MYO7B: variants seen among roughly 807,000 people sequenced by gnomAD.
The protein encoded by MYO7B is unconventional myosin-VIIb.
A neutral mutation model predicts 259.7 loss-of-function variants in MYO7B; 212 were observed. The observed-to-expected ratio is 0.82, with a 90% CI of 0.73 to 0.91. The LOEUF is 0.91. Ranked by LOEUF, MYO7B falls within the 40% of genes least tolerant of loss-of-function variation. MYO7B has a pLI of 0.00. For missense variants in MYO7B, 2,732 were observed against 2,813.5 expected (o/e 0.97, Z 0.66); for synonymous variants, 1,197 against 1,166.4 (o/e 1.03, Z -0.54).
In MYO7B at chr2:127,637,439, C is replaced by T. The variant is rs1473248278; in HGVS notation, c.*22C>T. 1 of 1,473,098 alleles carries T rather than the reference C, an allele frequency of 6.8e-7. No homozygotes were observed. Among genetic ancestry groups the T allele is most frequent in the Admixed American group, 2.5e-5 (1 of 40,726 alleles). The allele number at this position is 1,473,098 out of a possible 1,614,324, so 91.3% of individuals were successfully genotyped here. Reference sequence around the variant, plus strand: ...CTAGCAGCGGATGCTGGCGTGTCTGCTCAGGCGCCCTTCCCGACCTCTAGC... The same window carrying T: ...CTAGCAGCGGATGCTGGCGTGTCTGTTCAGGCGCCCTTCCCGACCTCTAGC... On this transcript the variant is annotated 3_prime_UTR_variant, in exon 48 of 48. Coordinates refer to ENST00000409816, the MANE Select transcript of MYO7B (RefSeq NM_001393586.1).
At position 127,628,664 on chromosome 2, in the gene MYO7B, A is replaced by C; in HGVS notation, c.4624+129A>C. Reference sequence around the variant, plus strand: ...GGCAAGCAGAGGGAGGGAAGGCCCCAAAGCTCTGTGGGGGCAGCTTTAGGC... The same window carrying C: ...GGCAAGCAGAGGGAGGGAAGGCCCCCAAGCTCTGTGGGGGCAGCTTTAGGC... On this transcript the variant is annotated intron_variant, in intron 34 of 47. Transcript: ENST00000409816. The surrounding 1 kb of genome is among the most constrained non-coding windows in gnomAD (Gnocchi z 4.8). The C allele has an allele frequency of 9.6e-7, 1 of 1,041,658 alleles. No individual in the cohort carries two copies. Among genetic ancestry groups the C allele is most frequent in the Non-Finnish European group, 1.4e-6 (1 of 726,628 alleles). 64.5% of individuals were successfully genotyped at this position (1,041,658 alleles called of 1,614,324 possible).
chr2:127,622,231 A>G lies in MYO7B; in HGVS notation c.3645+130A>G, dbSNP rs112313428. 1.8e-3 allele frequency: 2,338 copies of G among 1,276,214 alleles called. 31 individuals carry two copies. The African/African-American group carries it at 0.03, about 17-fold the overall frequency. The allele number at this position is 1,276,214 out of a possible 1,614,324, so 79.1% of individuals were successfully genotyped here. On this transcript the variant is annotated intron_variant, in intron 28 of 47. Coordinates refer to ENST00000409816, the MANE Select transcript of MYO7B (RefSeq NM_001393586.1). The stretch of plus-strand genomic sequence containing the variant: ...CTCTGAGCCCCGCCATCTCCTCTGC[A>G]GTACCTCCCATGCCAGTGGTCCCTG...
chr2:127,562,321 G>A (rs958717342), intron 2 of MYO7B, among the ~76,000 whole-genome samples: 1 of 151,360 alleles, frequency 6.6e-6, no homozygotes, highest in African/African-American at 2.4e-5. Flanking sequence ...ATTCTTTTTT[G>A]ACAGAGTCTC....
rs1423806814 is a variant in MYO7B, at chr2:127,634,462, G to A, written c.5626-134G>A. The A allele has an allele frequency of 8.9e-5, 80 of 897,668 alleles. No individual in the cohort carries two copies. The South Asian group carries it at 9.1e-4, about 10-fold the overall frequency. The allele number at this position is 897,668 out of a possible 1,614,324, so 55.6% of individuals were successfully genotyped here. A position where few individuals can be genotyped will look rare whatever the true frequency, so the allele number is the denominator to read the frequency against. Reference sequence around the variant, plus strand: ...TCCTGGAGCAGAGCCAGCTCCACACGCCAATAGCCCACGCACAGCCGACTC... The same window carrying A: ...TCCTGGAGCAGAGCCAGCTCCACACACCAATAGCCCACGCACAGCCGACTC... On this transcript the variant is annotated intron_variant, in intron 41 of 47. Transcript: ENST00000409816.
At position 127,560,275 on chromosome 2, in the gene MYO7B, C is replaced by T. The variant is rs895014875; in HGVS notation, c.18+535C>T. ...TCCTGAGCTCAAAGCAATCCACTAG[C>T]CTTGGCCTCCCAAAGTGCTGGGTGT... is the stretch of plus-strand genomic sequence containing the variant. On this transcript the variant is annotated intron_variant, in intron 2 of 47. Transcript: ENST00000409816. 4.6e-5 allele frequency among the ~76,000 whole-genome samples: 7 copies of T among 152,264 alleles called. 1 individual carries two copies. Among genetic ancestry groups the T allele is most frequent in the South Asian group, 4.1e-4 (2 of 4,828 alleles).
chr2:127,617,487 GT>G (rs35542480), intron 26 of MYO7B, among the ~76,000 whole-genome samples: 8,611 of 84,394 alleles, frequency 0.1, 79 homozygotes, highest in South Asian at 0.18. Flanking sequence ...TTGTAACGGG[GT>G]TTTTTTTTTT....
At chr2:127,599,016 T>G (rs1679868192) in intron 19 of MYO7B, among the ~76,000 whole-genome samples, 1 of 152,224 alleles carries the variant, frequency 6.6e-6, no homozygotes, top group South Asian at 2.1e-4. Flanking sequence ...TTCCCACTTT[T>G]CTTCTTCAAA....
intron 9 of MYO7B, among the ~76,000 whole-genome samples, chr2:127,579,617 G>A (rs1346660050): frequency 3.3e-5 from 5 of 151,818 alleles, no homozygotes; most frequent in African/African-American, 1.2e-4. Flanking sequence ...ACAGGGTCTT[G>A]CTTTGTTGTC....
intron 6 of MYO7B, among the ~76,000 whole-genome samples, chr2:127,573,056 G>GTGCCACACCACA (rs1231382048): frequency 2.0e-5 from 3 of 152,156 alleles, no homozygotes; most frequent in Non-Finnish European, 4.4e-5. Context: ...GCACTTCTCA[G>GTGCCACACCACA]AGGCTCTGCT....
Position 127,588,526 on chromosome 2 carries a change from C to T in MYO7B, c.1825C>T (p.Gln609Ter). 1 of 1,613,250 alleles carries T rather than the reference C, an allele frequency of 6.2e-7. No individual in the cohort carries two copies. The highest frequency in any genetic ancestry group is 1.3e-5 in the African/African-American group (1 of 75,066). Residue 609 changes from glutamine to a stop codon, truncating the protein, a stop_gained, in exon 15 of 48, where the codon CAG (glutamine) becomes TAG (stop). Coordinates refer to ENST00000409816, the MANE Select transcript of MYO7B (RefSeq NM_001393586.1). LOFTEE classifies it high-confidence loss of function. ...ETKLGHGTIR[Q>*]AKAGNHLFKS... ...CAAGCTGGGCCATGGGACCATCCGC[C>T]AGGCAAAGGCAGGAAACCATCTCTT...
In MYO7B at chr2:127,609,028, G is replaced by T; in HGVS notation, c.2814+150G>T. ...CCCTGCTGGTCCCACACGGAAGAGG[G>T]GAGCGTGCGTGGGTTCTGTGGTCAA... On this transcript the variant is annotated intron_variant, in intron 22 of 47. Coordinates refer to ENST00000409816, the MANE Select transcript of MYO7B (RefSeq NM_001393586.1). This position sits in a 1 kb window ranked among gnomAD's most constrained non-coding sequence, Gnocchi z 6.9. 1.8e-6 allele frequency: 2 copies of T among 1,120,962 alleles called. No homozygotes were observed. The highest frequency in any genetic ancestry group is 2.6e-5 in the East Asian group (1 of 38,474). 69.4% of individuals were successfully genotyped at this position (1,120,962 alleles called of 1,614,324 possible).
chr2:127,547,884 A>G (rs575510120), intron 1 of MYO7B, among the ~76,000 whole-genome samples: 317 of 152,320 alleles, frequency 2.1e-3, no homozygotes, highest in African/African-American at 6.8e-3. Context: ...GGAAGATACT[A>G]TGGAGAATTA....
In MYO7B at chr2:127,546,621, T is replaced by C. The variant is rs550242886; in HGVS notation, c.-24+10790T>C. ...AGATTAGGTAGGACACTGATCCCCG[T>C]AAGCTCAGCCACACTGACCTGCCTC... On this transcript the variant is annotated intron_variant, in intron 1 of 47. Coordinates refer to ENST00000409816, the MANE Select transcript of MYO7B (RefSeq NM_001393586.1). This position sits in a 1 kb window ranked among gnomAD's most constrained non-coding sequence, Gnocchi z 4.2. Among the ~76,000 whole-genome samples the C allele has an allele frequency of 6.6e-6, 1 of 152,330 alleles. No individual in the cohort carries two copies. The highest frequency in any genetic ancestry group is 6.5e-5 in the Admixed American group (1 of 15,304).
chr2:127,578,579 C>T lies in MYO7B; in HGVS notation c.1003+293C>T, dbSNP rs1054598831. On this transcript the variant is annotated intron_variant, in intron 9 of 47. Coordinates refer to ENST00000409816, the MANE Select transcript of MYO7B (RefSeq NM_001393586.1). ...AGGTAAGCCAGAGTAAACAAATCCA[C>T]GTGTGAACTTGCAAACCAGGTTGTG... 2.6e-5 allele frequency among the ~76,000 whole-genome samples: 4 copies of T among 152,152 alleles called. No homozygotes were observed. In the South Asian group the frequency reaches 6.2e-4, roughly 24 times the overall value.
At chr2:127,593,487 A>G (rs1679648017) in intron 17 of MYO7B, 59 bp from the exon 18 acceptor site, 1 of 1,514,328 alleles carries the variant, frequency 6.6e-7, no homozygotes, top group African/African-American at 1.4e-5. Flanking sequence ...CCACCCCCAG[A>G]GAGCCGCCGA....
rs570856592 is a variant in MYO7B at position 127,582,568 on chromosome 2, A to G, written c.1343+122A>G. The G allele has an allele frequency of 1.1e-4, 129 of 1,182,074 alleles. No homozygotes were observed. In the East Asian group the frequency reaches 3.1e-3, roughly 28 times the overall value. 73.2% of individuals were successfully genotyped at this position (1,182,074 alleles called of 1,614,324 possible). A position where few individuals can be genotyped will look rare whatever the true frequency, so the allele number is the denominator to read the frequency against. On this transcript the variant is annotated intron_variant, in intron 12 of 47. Coordinates refer to ENST00000409816, the MANE Select transcript of MYO7B (RefSeq NM_001393586.1). Reference sequence around the variant, plus strand: ...GCACCCAGGCCTGGCGAGTCCCACCAGATCCGTGTGCTCTGCATGGGGTGG... The same window carrying G: ...GCACCCAGGCCTGGCGAGTCCCACCGGATCCGTGTGCTCTGCATGGGGTGG...
rs1239317142 is a variant in MYO7B, at chr2:127,586,585, G to A, written c.1690+1672G>A. 6.6e-6 allele frequency among the ~76,000 whole-genome samples: 1 copy of A among 152,200 alleles called. No homozygotes were observed. Among genetic ancestry groups the A allele is most frequent in the Non-Finnish European group, 1.5e-5 (1 of 68,038 alleles). On this transcript the variant is annotated intron_variant, in intron 14 of 47. Transcript: ENST00000409816. The surrounding 1 kb of genome is among the most constrained non-coding windows in gnomAD (Gnocchi z 4.8). ...TTGGAAAAGGGAGAGGCTGGAGCCA[G>A]TCGGACCTGCAGGGTCCTGGGACGC...
At chr2:127,540,169 A>ATTT (rs1289905764) in intron 1 of MYO7B, among the ~76,000 whole-genome samples, 39 of 147,650 alleles carry the variant, frequency 2.6e-4, no homozygotes, top group Middle Eastern at 3.4e-3. Context: ...TTCTGGTTTT[A>ATTT]TTTTTTTTTT....
chr2:127,616,525 A>G (rs560079671), intron 26 of MYO7B, among the ~76,000 whole-genome samples: 148 of 152,226 alleles, frequency 9.7e-4, no homozygotes, highest in African/African-American at 3.5e-3. Context: ...CGAATCAACA[A>G]CTCCTGGGGT....
Sources: gnomAD v4.1 joint callset for allele counts (sites outside exome capture counted in the v4.1 genomes callset) on GRCh38, gnomAD v4.1.1 for gene constraint, Gnocchi (gnomAD v3.1) non-coding constraint, MANE v1.5 for transcripts, NCBI Gene and HGNC (gene_info 2026-07-23, HGNC 2026-07-21) for gene names.